The following PRCP variants were observed in gnomAD, a reference collection of about 807,000 sequenced individuals.
PRCP encodes the protein lysosomal Pro-X carboxypeptidase.
In PRCP, 46 loss-of-function variants were observed where a neutral mutation model predicts 54.2. The ratio of observed to expected loss-of-function variants is 0.85; its 90% CI spans 0.67 to 1.09. The LOEUF is 1.09. PRCP is among the 50% of genes least tolerant of loss of function. The probability of loss-of-function intolerance (pLI) is 0.00; values close to 1 mark genes in which losing one functional copy is unlikely to be tolerated. For missense variants in PRCP, 613 were observed against 596.8 expected, an observed-to-expected ratio of 1.03 and a Z score of -0.28; for synonymous variants, 240 against 212.2, an observed-to-expected ratio of 1.13 and a Z score of -1.14.
chr11:82,900,241 T>C lies in PRCP; in HGVS notation c.162A>G (p.Gln54=). ...VAKNYSVLYF[Q]QKVDHFGFNT... is the part of the protein sequence containing the mutation. ...AGCCCCCGCTCCCCCTTACCTTCTG[T>C]TGGAAGTAGAGAACCGAATAGTTCT... The change falls in exon 1 of 9, where the codon CAA becomes CAG. Residue 54 remains glutamine, a synonymous_variant. Transcript: ENST00000313010. The C allele has an allele frequency of 5.0e-6, 8 of 1,614,082 alleles. No homozygotes were observed. Among genetic ancestry groups the C allele is most frequent in the Non-Finnish European group, 6.8e-6 (8 of 1,179,954 alleles).
rs33954574 is a variant in PRCP, at chr11:82,850,109, G to GAAA, written c.594-41_594-39dup. 127 of 964,854 alleles carry GAAA rather than the reference G, an allele frequency of 1.3e-4. 1 individual carries two copies. The highest frequency in any genetic ancestry group is 8.7e-4 in the Admixed American group (19 of 21,724). The allele number at this position is 964,854 out of a possible 1,614,324, so 59.8% of individuals were successfully genotyped here. On this transcript the variant is annotated intron_variant, in intron 4 of 8. Coordinates refer to ENST00000313010, the MANE Select transcript of PRCP (RefSeq NM_005040.4). ...AAAATCAAAGAAAGAAAAAAGAAAA[G>GAAA]AAAAAATATATATATATATTATATA...
chr11:82,855,843 T>TA (rs1591052435), intron 2 of PRCP, among the ~76,000 whole-genome samples: 2 of 151,776 alleles, frequency 1.3e-5, no homozygotes, highest in East Asian at 1.9e-4. Flanking sequence ...TAAAAAACAG[T>TA]AAAAAAATAA....
chr11:82,896,639 A>G (rs531103007), intron 1 of PRCP, among the ~76,000 whole-genome samples: 1 of 134,566 alleles, frequency 7.4e-6, no homozygotes, highest in South Asian at 2.5e-4. Context: ...AGATCTCACC[A>G]CTGCACCCCA....
chr11:82,888,962 AAG>A (rs1859933149), intron 1 of PRCP, among the ~76,000 whole-genome samples: 2 of 152,200 alleles, frequency 1.3e-5, no homozygotes, highest in Non-Finnish European at 2.9e-5. Flanking sequence ...AATGTAGAAT[AAG>A]AGAGGAGTAT....
chr11:82,892,490 C>T lies in PRCP; in HGVS notation c.168+7745G>A, dbSNP rs370621636. Among the ~76,000 whole-genome samples, 8 of 152,068 alleles carry T rather than the reference C, an allele frequency of 5.3e-5. No homozygotes were observed. In the East Asian group the frequency reaches 9.6e-4, roughly 18 times the overall value. ...AAATAGATAATAAAAATTTTCAGTA[C>T]AGAATTATTCTTTTTAATTAACAAT... On this transcript the variant is annotated intron_variant, in intron 1 of 8. Transcript: ENST00000313010.
chr11:82,853,238 A>G lies in PRCP; in HGVS notation c.350T>C (p.Leu117Ser). ...ATAGTATCGATGTTCAGCAAACACCAACATAGCTTTCAGTTCCTCAGCCAC... is the reference window on the plus strand; with the variant it reads ...ATAGTATCGATGTTCAGCAAACACCGACATAGCTTTCAGTTCCTCAGCCAC... ...WDVAEELKAM[L>S]VFAEHRYYGE... is the part of the protein sequence containing the mutation. The change falls in exon 3 of 9, where the codon TTG (leucine) becomes TCG (serine). Residue 117 changes from leucine to serine, a missense_variant. Transcript: ENST00000313010. The G allele has an allele frequency of 6.2e-7, 1 of 1,613,434 alleles. No homozygotes were observed. The highest frequency in any genetic ancestry group is 8.5e-7 in the Non-Finnish European group (1 of 1,179,562).
At chr11:82,884,941 C>T in intron 1 of PRCP, 1 of 1,596,754 alleles carries the variant, frequency 6.3e-7, no homozygotes. Flanking sequence ...GTTTTACTAG[C>T]ACACACCTCC....
intron 8 of PRCP, among the ~76,000 whole-genome samples, chr11:82,834,546 G>A (rs936044301): frequency 2.0e-5 from 3 of 152,174 alleles, no homozygotes; most frequent in Non-Finnish European, 4.4e-5. Context: ...CAGGTATCCT[G>A]CTGGATGGAA....
intron 3 of PRCP, among the ~76,000 whole-genome samples, chr11:82,851,098 T>A (rs1858943171): frequency 6.6e-6 from 1 of 152,214 alleles, no homozygotes; most frequent in South Asian, 2.1e-4. Context: ...CTCATAATGT[T>A]AAGTTTCATA....
chr11:82,882,748 G>A (rs1164241413), intron 1 of PRCP, among the ~76,000 whole-genome samples: 1 of 147,770 alleles, frequency 6.8e-6, no homozygotes, highest in Non-Finnish European at 1.5e-5. Flanking sequence ...GCCCGCCTCG[G>A]CCTCCCAAAG....
Position 82,853,246 on chromosome 11 carries a change from T to G in PRCP, c.342A>C (p.Lys114Asn), listed in dbSNP as rs1166984882. 2 of 1,613,320 alleles carry G rather than the reference T, an allele frequency of 1.2e-6. No homozygotes were observed. Among genetic ancestry groups the G allele is most frequent in the Non-Finnish European group, 1.7e-6 (2 of 1,179,496 alleles). Residue 114 changes from lysine to asparagine, a missense_variant, in exon 3 of 9, where the codon AAA (lysine) becomes AAC (asparagine). Coordinates refer to ENST00000313010, the MANE Select transcript of PRCP (RefSeq NM_005040.4). ...GATGTTCAGCAAACACCAACATAGC[T>G]TTCAGTTCCTCAGCCACATCCCACA... Reference protein sequence around the residue: ...GFMWDVAEELKAMLVFAEHRY... With the variant: ...GFMWDVAEELNAMLVFAEHRY...
In PRCP at chr11:82,860,059, T is replaced by C; in HGVS notation, c.227A>G (p.Asp76Gly). ...TCCACCATTTTTCTTCCAGTATTTA[T>C]CAGCTACTAGGTACCGCTGATTAAA... Reference protein sequence around the residue: ...KTFNQRYLVADKYWKKNGGSI... With the variant: ...KTFNQRYLVAGKYWKKNGGSI... The change falls in exon 2 of 9, where the codon GAT becomes GGT. Residue 76 changes from aspartate (D) to glycine (G), a missense_variant. By Grantham distance (94) the Asp-to-Gly change is moderately conservative. Transcript: ENST00000313010. The C allele has an allele frequency of 6.3e-7, 1 of 1,590,052 alleles. No individual in the cohort carries two copies. The highest frequency in any genetic ancestry group is 8.6e-7 in the Non-Finnish European group (1 of 1,168,890).
intron 1 of PRCP, among the ~76,000 whole-genome samples, chr11:82,897,712 C>T (rs929123871): frequency 1.3e-5 from 2 of 152,178 alleles, no homozygotes; most frequent in Admixed American, 1.3e-4. Flanking sequence ...GCTAGGGTTA[C>T]ATAGTAAGGA....
Position 82,831,721 on chromosome 11 carries a change from C to CT in PRCP, c.1275-6600dup, listed in dbSNP as rs549278679. Reference sequence around the variant, plus strand: ...TTCCACAGGGCTCCTTGGACACTTTCTTTTTTTTTTTAATTATACTTTAAG... The same window carrying CT: ...TTCCACAGGGCTCCTTGGACACTTTCTTTTTTTTTTTTAATTATACTTTAAG... On this transcript the variant is annotated intron_variant, in intron 8 of 8. Coordinates refer to ENST00000313010, the MANE Select transcript of PRCP (RefSeq NM_005040.4). Among the ~76,000 whole-genome samples, 281 of 147,074 alleles carry CT rather than the reference C, an allele frequency of 1.9e-3. 3 individuals carry two copies. The highest frequency in any genetic ancestry group is 6.4e-3 in the African/African-American group (257 of 40,264).
At chr11:82,867,893 G>A (rs1859379559) in intron 1 of PRCP, among the ~76,000 whole-genome samples, 2 of 152,140 alleles carry the variant, frequency 1.3e-5, no homozygotes, top group South Asian at 4.1e-4. Flanking sequence ...GGTTTGTTAA[G>A]TTTTAAATTA....
At chr11:82,867,739 A>G (rs1660631460) in intron 1 of PRCP, among the ~76,000 whole-genome samples, 1 of 152,074 alleles carries the variant, frequency 6.6e-6, no homozygotes, top group African/African-American at 2.4e-5. Flanking sequence ...TTTGTTCTCT[A>G]AGAGACGGGG....
chr11:82,838,472 G>T lies in PRCP; in HGVS notation c.1189C>A (p.Gln397Lys), dbSNP rs1858581835. ...GAGGGCCTTGGTCTCACACCCCACT[G>T]TTGAAAACAGTCATCAGAAAGTTCC... ...LKELSDDCFQ[Q>K]WGVRPRPSWI... The change falls in exon 8 of 9, where the codon CAG becomes AAG. Residue 397 changes from glutamine to lysine, a missense_variant. Coordinates refer to ENST00000313010, the MANE Select transcript of PRCP (RefSeq NM_005040.4). 6.2e-7 allele frequency: 1 copy of T among 1,613,972 alleles called. No homozygotes were observed.
At chr11:82,846,899 C>A (rs143188713) in intron 6 of PRCP, among the ~76,000 whole-genome samples, 1 of 152,330 alleles carries the variant, frequency 6.6e-6, no homozygotes, top group Non-Finnish European at 1.5e-5. Flanking sequence ...CTATATTTCT[C>A]CAGCCTTTTT....
intron 1 of PRCP, among the ~76,000 whole-genome samples, chr11:82,895,873 T>C (rs1007225484): frequency 1.3e-5 from 2 of 152,144 alleles, no homozygotes; most frequent in African/African-American, 2.4e-5. Flanking sequence ...CTATAAAGGA[T>C]GTACATAAAT....
Sources: gnomAD v4.1 joint callset for allele counts (sites outside exome capture counted in the v4.1 genomes callset) on GRCh38, gnomAD v4.1.1 for gene constraint, MANE v1.5 for transcripts, NCBI Gene and HGNC (gene_info 2026-07-23, HGNC 2026-07-21) for gene names.